The following PKD2L2 variants were observed in gnomAD, a reference collection of about 807,000 sequenced individuals.
PKD2L2 encodes polycystin-2-like protein 2.
In PKD2L2, 67 loss-of-function variants were observed where a neutral mutation model predicts 83.9. That is an observed-to-expected ratio of 0.80 (90% CI 0.66 to 0.98). The LOEUF is 0.98. PKD2L2 is among the 50% of genes least tolerant of loss of function. The probability of loss-of-function intolerance (pLI) is 0.00; values close to 1 mark genes in which losing one functional copy is unlikely to be tolerated. For synonymous variants in PKD2L2, 223 were observed against 237.8 expected (o/e 0.94, Z 0.57); for missense variants, 632 against 717.2 (o/e 0.88, Z 1.36).
At position 137,889,506 on chromosome 5, in the gene PKD2L2, A is replaced by G. The variant is rs750726159; in HGVS notation, c.15A>G (p.Ser5=). ...GCAGGTCCGCCATGGCTGAGGCGTC[A>G]CGGTGGCACCGAGGCGGTGAGGGGT... is the stretch of plus-strand genomic sequence containing the variant. MAEA[S]RWHRGGASKH... The change falls in exon 1 of 15, where the codon TCA becomes TCG. Residue 5 remains serine, a synonymous_variant. Coordinates refer to ENST00000508883, the MANE Select transcript of PKD2L2 (RefSeq NM_001300921.2). 96 of 1,558,128 alleles carry G rather than the reference A, an allele frequency of 6.2e-5. 1 individual carries two copies. Among genetic ancestry groups the G allele is most frequent in the Non-Finnish European group, 7.9e-5 (92 of 1,159,886 alleles).
chr5:137,922,554 A>T (rs1305431988), intron 9 of PKD2L2, among the ~76,000 whole-genome samples: 1 of 152,148 alleles, frequency 6.6e-6, no homozygotes, highest in East Asian at 1.9e-4. Context: ...CCTGGGCAAC[A>T]TGACGAAATG....
intron 12 of PKD2L2, among the ~76,000 whole-genome samples, chr5:137,932,526 G>A (rs1009166156): frequency 6.6e-6 from 1 of 152,066 alleles, no homozygotes. Context: ...ATAACACTGA[G>A]ACAACTCATA....
In PKD2L2 at chr5:137,923,489, C is replaced by T. The variant is rs1288965026; in HGVS notation, c.1519C>T (p.Leu507=). The T allele has an allele frequency of 2.6e-6, 4 of 1,566,278 alleles. No individual in the cohort carries two copies. Among genetic ancestry groups the T allele is most frequent in the Non-Finnish European group, 3.5e-6 (4 of 1,136,690 alleles). Residue 507 remains leucine, a synonymous_variant, in exon 10 of 15, where the codon CTA becomes TTA. Coordinates refer to ENST00000508883, the MANE Select transcript of PKD2L2 (RefSeq NM_001300921.2). ...AGCTGACTATTCAATAGGCAGAAGG[C>T]TAGATTTTGAACTTGGCAAAATGAT... The part of the protein sequence containing the change: ...VKADYSIGRR[L]DFELGKMIKQ...
chr5:137,903,412 T>A (rs1757119628), intron 5 of PKD2L2, among the ~76,000 whole-genome samples: 1 of 152,236 alleles, frequency 6.6e-6, no homozygotes, highest in South Asian at 2.1e-4. Context: ...ACTATAGCTA[T>A]TTTTGCAATA....
rs768211414 is a variant in PKD2L2 at position 137,899,646 on chromosome 5, C to T, written c.655C>T (p.Arg219Ter). 7 of 1,613,076 alleles carry T rather than the reference C, an allele frequency of 4.3e-6. No homozygotes were observed. In the South Asian group the frequency reaches 4.4e-5, roughly 10 times the overall value. ...AACCAAAAACAAGTTCATTGACCTT[C>T]GACTGAACAGCTGGATCACAAGAGG... Reference protein sequence around the residue: ...SETKNKFIDLRLNSWITRGTR... With the variant: ...SETKNKFIDL Residue 219 changes from arginine to a stop codon, truncating the protein, a stop_gained, in exon 5 of 15, where the codon CGA becomes TGA. Coordinates refer to ENST00000508883, the MANE Select transcript of PKD2L2 (RefSeq NM_001300921.2). LOFTEE classifies it high-confidence loss of function.
intron 4 of PKD2L2, among the ~76,000 whole-genome samples, chr5:137,898,165 C>G (rs1756640306): frequency 2.0e-5 from 3 of 152,024 alleles, no homozygotes; most frequent in South Asian, 2.1e-4. Flanking sequence ...TGGGGTTTCA[C>G]CATGTTGGCC....
Position 137,927,159 on chromosome 5 carries a change from T to C in PKD2L2, c.1671+1230T>C, listed in dbSNP as rs80337982. On this transcript the variant is annotated intron_variant, in intron 12 of 14. Coordinates refer to ENST00000508883, the MANE Select transcript of PKD2L2 (RefSeq NM_001300921.2). ...TACAGACCTCTCCACCAAATACTTA[T>C]TACAAAAAGAAAAGCAGTCATGTTA... Among the ~76,000 whole-genome samples, 945 of 152,296 alleles carry C rather than the reference T, an allele frequency of 6.2e-3. 12 individuals carry two copies. Among genetic ancestry groups the C allele is most frequent in the African/African-American group, 0.022 (911 of 41,554 alleles).
intron 14 of PKD2L2, 26 bp from the exon 15 acceptor site, chr5:137,942,358 T>C (rs1762109835): frequency 3.4e-6 from 1 of 291,520 alleles, no homozygotes; most frequent in Non-Finnish European, 6.4e-6. Flanking sequence ...AACTGTAGGA[T>C]TTTATTTGTT....
At chr5:137,892,374 T>G in intron 2 of PKD2L2, 106 bp from the exon 3 acceptor site, 2 of 494,906 alleles carry the variant, frequency 4.0e-6, no homozygotes, top group Non-Finnish European at 6.7e-6. Flanking sequence ...TATAATTAGA[T>G]TAATAAAGTT....
At chr5:137,901,506 T>C (rs1241673398) in intron 5 of PKD2L2, among the ~76,000 whole-genome samples, 1 of 152,204 alleles carries the variant, frequency 6.6e-6, no homozygotes, top group Non-Finnish European at 1.5e-5. Flanking sequence ...TCTACTGTTT[T>C]GTGCAAATGA....
chr5:137,916,815 T>C (rs1041673364), intron 8 of PKD2L2, among the ~76,000 whole-genome samples: 5 of 152,118 alleles, frequency 3.3e-5, no homozygotes, highest in Non-Finnish European at 7.4e-5. Context: ...GAATATATCA[T>C]TGCACTGCCT....
At chr5:137,914,695 T>C (rs1197984753) in intron 8 of PKD2L2, among the ~76,000 whole-genome samples, 3 of 152,220 alleles carry the variant, frequency 2.0e-5, no homozygotes, top group Non-Finnish European at 4.4e-5. Context: ...AGGGCATTCT[T>C]GTCTTGTTCT....
At chr5:137,916,474 T>TC (rs1491368057) in intron 8 of PKD2L2, among the ~76,000 whole-genome samples, 3 of 104,574 alleles carry the variant, frequency 2.9e-5, no homozygotes, top group African/African-American at 3.4e-5. Flanking sequence ...CCACTTTTCT[T>TC]CTTTTTTTTT....
In PKD2L2 at chr5:137,910,995, A is replaced by T. The variant is rs548149234; in HGVS notation, c.1328+2049A>T. On this transcript the variant is annotated intron_variant, in intron 8 of 14. Transcript: ENST00000508883. ...ATATAACATCAAATTTACCATTTAA[A>T]CCACTTCTAAGTGTACAGTTCAGTG... is the stretch of plus-strand genomic sequence containing the variant. Among the ~76,000 whole-genome samples the T allele has an allele frequency of 2.0e-5, 3 of 152,292 alleles. No individual in the cohort carries two copies. In the South Asian group the frequency reaches 6.2e-4, roughly 32 times the overall value.
intron 2 of PKD2L2, among the ~76,000 whole-genome samples, chr5:137,891,267 T>G (rs920453583): frequency 3.3e-5 from 5 of 152,128 alleles, no homozygotes; most frequent in Non-Finnish European, 7.4e-5. Flanking sequence ...TTAATTGGTG[T>G]TGTAGGGGTG....
chr5:137,894,704 A>C, intron 4 of PKD2L2, 95 bp downstream of exon 4: 1 of 892,354 alleles, frequency 1.1e-6, no homozygotes, highest in African/African-American at 1.7e-5. Flanking sequence ...TGGGTCCTGG[A>C]AGGGTAAGGA....
chr5:137,931,190 T>C (rs1318659012), intron 12 of PKD2L2, among the ~76,000 whole-genome samples: 1 of 152,122 alleles, frequency 6.6e-6, no homozygotes, highest in Non-Finnish European at 1.5e-5. Flanking sequence ...ATCCATTCTG[T>C]AGAAGAAATG....
intron 10 of PKD2L2, 45 bp downstream of exon 10, chr5:137,923,566 A>C: frequency 4.7e-5 from 41 of 879,320 alleles, no homozygotes; most frequent in Non-Finnish European, 6.5e-5. Flanking sequence ...GACAAACCTC[A>C]TATAGTTTAT....
At chr5:137,922,464 G>A (rs147754363) in intron 9 of PKD2L2, among the ~76,000 whole-genome samples, 70 of 152,312 alleles carry the variant, frequency 4.6e-4, no homozygotes, top group African/African-American at 1.6e-3. Context: ...TTGGCTGGAC[G>A]CAGTGGCTCA....
Sources: allele counts gnomAD v4.1 joint callset (sites outside exome capture counted in the v4.1 genomes callset), GRCh38; gene constraint gnomAD v4.1.1; transcripts MANE v1.5; gene names NCBI Gene and HGNC (gene_info 2026-07-23, HGNC 2026-07-21).